Variants in FGD4 observed in about 807,000 individuals in gnomAD.
FGD4 encodes the protein FYVE, RhoGEF and PH domain containing 4.
Under a neutral mutation model 102.0 loss-of-function variants are expected in FGD4, and 42 were observed. That is an observed-to-expected ratio of 0.41 (90% CI 0.32 to 0.53). The LOEUF (loss-of-function observed/expected upper bound fraction) is 0.53, where lower values mean the gene tolerates loss of function less well. Ranked by LOEUF, FGD4 falls within the 20% of genes least tolerant of loss-of-function variation. The probability of loss-of-function intolerance (pLI) is 0.21; values close to 1 mark genes in which losing one functional copy is unlikely to be tolerated. For synonymous variants in FGD4, 380 were observed against 375.7 expected, an observed-to-expected ratio of 1.01 and a Z score of -0.13; for missense variants, 902 against 1,078.2, an observed-to-expected ratio of 0.84 and a Z score of 2.29.
chr12:32,601,562 A>C, intron 6 of FGD4, 139 bp downstream of exon 6: 1 of 1,052,296 alleles, frequency 9.5e-7, no homozygotes, highest in Non-Finnish European at 1.3e-6. Flanking sequence ...TACTGATAGA[A>C]GTTGTGGTAC....
intron 1 of FGD4, among the ~76,000 whole-genome samples, chr12:32,489,793 G>T (rs1395410973): frequency 6.6e-6 from 1 of 151,940 alleles, no homozygotes; most frequent in Non-Finnish European, 1.5e-5. Context: ...GCTCAATGAG[G>T]TTATTTTATT....
At position 32,526,663 on chromosome 12, in the gene FGD4, T is replaced by G. The variant is rs369380324; in HGVS notation, c.167-37474T>G. On this transcript the variant is annotated intron_variant, in intron 1 of 16. Transcript: ENST00000534526. Reference sequence around the variant, plus strand: ...CCCCTTCCACACTGTGGGAGCTTTGTTCTTTCGCTATTTGCGATAAATCTT... The same window carrying G: ...CCCCTTCCACACTGTGGGAGCTTTGGTCTTTCGCTATTTGCGATAAATCTT... Among the ~76,000 whole-genome samples, 90 of 152,294 alleles carry G rather than the reference T, an allele frequency of 5.9e-4. 2 individuals are homozygous for G. The South Asian group carries it at 0.018, about 30-fold the overall frequency.
intron 4 of FGD4, among the ~76,000 whole-genome samples, chr12:32,588,116 A>G (rs1369094127): frequency 6.6e-6 from 1 of 152,188 alleles, no homozygotes; most frequent in Non-Finnish European, 1.5e-5. Flanking sequence ...GTGCAGGCAT[A>G]TTGGAAAGCT....
At chr12:32,585,222 TTA>T (rs140227421) in intron 4 of FGD4, among the ~76,000 whole-genome samples, 36,998 of 114,758 alleles carry the variant, frequency 0.32, 6,186 homozygotes, top group East Asian at 0.45. Flanking sequence ...CTCAAAAATT[TTA>T]TATATATATA....
chr12:32,638,067 A>C (rs1038683493), intron 15 of FGD4, among the ~76,000 whole-genome samples: 1 of 152,320 alleles, frequency 6.6e-6, no homozygotes, highest in Non-Finnish European at 1.5e-5. Flanking sequence ...TGTCGTTAAA[A>C]GTTCAGGCTC....
intron 5 of FGD4, 69 bp from the exon 6 acceptor site, chr12:32,601,209 G>C (rs1948401502): frequency 7.4e-6 from 11 of 1,492,778 alleles, no homozygotes; most frequent in Non-Finnish European, 9.2e-6. Flanking sequence ...AGCCCACTAT[G>C]TGCCTAGCAC....
In FGD4 at chr12:32,572,729, CTTTTTAG is replaced by C. The variant is rs558212832; in HGVS notation, c.320-3532_320-3526del. Among the ~76,000 whole-genome samples the C allele has an allele frequency of 2.5e-3, 378 of 152,056 alleles. 3 individuals are homozygous for C. Among genetic ancestry groups the C allele is most frequent in the Non-Finnish European group, 4.4e-3 (298 of 67,954 alleles). On this transcript the variant is annotated intron_variant, in intron 2 of 16. Transcript: ENST00000534526. ...TTCTTTAGCCCTTGATTTTTATTTT[CTTTTTAG>C]TTTTATAATATAGTCTTCATAATCT...
intron 7 of FGD4, 102 bp downstream of exon 7, chr12:32,602,419 C>G: frequency 7.2e-7 from 1 of 1,394,190 alleles, no homozygotes; most frequent in Non-Finnish European, 1.0e-6. Flanking sequence ...TCTGAGATAC[C>G]TAGCCAAAAT....
intron 1 of FGD4, among the ~76,000 whole-genome samples, chr12:32,458,883 A>G (rs946089221): frequency 2.0e-5 from 3 of 152,188 alleles, no homozygotes; most frequent in South Asian, 2.1e-4. Context: ...TACAATCCTC[A>G]TTTTTACCAA....
intron 4 of FGD4, among the ~76,000 whole-genome samples, chr12:32,590,931 T>C (rs1947422213): frequency 6.6e-6 from 1 of 152,226 alleles, no homozygotes; most frequent in African/African-American, 2.4e-5. Context: ...ACCAATTATG[T>C]GACATTCAAA....
chr12:32,472,914 G>A (rs929037168), intron 1 of FGD4, among the ~76,000 whole-genome samples: 1 of 152,174 alleles, frequency 6.6e-6, no homozygotes, highest in African/African-American at 2.4e-5. Flanking sequence ...TGTAGCTCAA[G>A]GATTGTAAAT....
At chr12:32,555,214 A>G (rs1333127638) in intron 1 of FGD4, among the ~76,000 whole-genome samples, 3 of 152,230 alleles carry the variant, frequency 2.0e-5, no homozygotes, top group Admixed American at 1.3e-4. Context: ...AATAGGATGT[A>G]GAGTATGAGA....
At chr12:32,442,561 CT>C (rs35994170) in intron 1 of FGD4, among the ~76,000 whole-genome samples, 4,368 of 107,026 alleles carry the variant, frequency 0.041, 52 homozygotes, top group Middle Eastern at 0.12. Context: ...ATCTTTCATC[CT>C]TTTTTTTTTT....
chr12:32,402,207 C>G (rs1940702624), intron 1 of FGD4, among the ~76,000 whole-genome samples: 1 of 147,498 alleles, frequency 6.8e-6, no homozygotes, highest in African/African-American at 2.5e-5. Flanking sequence ...TTTGGGAGAC[C>G]GAGGGGGAGG....
intron 1 of FGD4, among the ~76,000 whole-genome samples, chr12:32,476,025 ATTC>A (rs1227309606): frequency 1.3e-5 from 2 of 152,260 alleles, no homozygotes; most frequent in South Asian, 2.1e-4. Context: ...CACTTTTGAC[ATTC>A]TTCTTGGAAT....
At chr12:32,458,499 T>C (rs1412210923) in intron 1 of FGD4, among the ~76,000 whole-genome samples, 1 of 152,142 alleles carries the variant, frequency 6.6e-6, no homozygotes, top group Non-Finnish European at 1.5e-5. Flanking sequence ...CTAATATATA[T>C]AATATGGTTG....
intron 1 of FGD4, among the ~76,000 whole-genome samples, chr12:32,563,828 G>A (rs879217695): frequency 1.3e-5 from 2 of 152,104 alleles, no homozygotes; most frequent in South Asian, 2.1e-4. Context: ...GCGAAACCCC[G>A]TCTCCACCAA....
chr12:32,526,512 T>C (rs1405447837), intron 1 of FGD4, among the ~76,000 whole-genome samples: 1 of 152,112 alleles, frequency 6.6e-6, no homozygotes, highest in East Asian at 1.9e-4. Flanking sequence ...TCAGGGATTG[T>C]AAACGCACCA....
At chr12:32,560,371 C>A (rs779426203) in intron 1 of FGD4, among the ~76,000 whole-genome samples, 9 of 152,124 alleles carry the variant, frequency 5.9e-5, no homozygotes, top group Non-Finnish European at 8.8e-5. Context: ...CGCACCTCGG[C>A]CTTCTAAGTA....
Sources: allele counts gnomAD v4.1 joint callset (sites outside exome capture counted in the v4.1 genomes callset), GRCh38; gene constraint gnomAD v4.1.1; transcripts MANE v1.5; gene names NCBI Gene and HGNC (gene_info 2026-07-23, HGNC 2026-07-21).